The following RBM26 variants were observed in gnomAD, a reference collection of about 807,000 sequenced individuals.
The protein encoded by RBM26 is RNA binding motif protein 26.
Under a neutral mutation model 123.6 loss-of-function variants are expected in RBM26, and 30 were observed. That is an observed-to-expected ratio of 0.24 (90% CI 0.18 to 0.33). The LOEUF (loss-of-function observed/expected upper bound fraction) is 0.33, where lower values mean the gene tolerates loss of function less well. Ranked by LOEUF, RBM26 falls within the 10% of genes least tolerant of loss-of-function variation. The probability of loss-of-function intolerance (pLI) is 1.00; values close to 1 mark genes in which losing one functional copy is unlikely to be tolerated. For missense variants in RBM26, 947 were observed against 1,203.6 expected (o/e 0.79, Z 3.15); for synonymous variants, 400 against 404.4 (o/e 0.99, Z 0.13).
At chr13:79,325,088 C>T (rs887753707) in intron 20 of RBM26, among the ~76,000 whole-genome samples, 1 of 152,072 alleles carries the variant, frequency 6.6e-6, no homozygotes. Context: ...CATGGTGATA[C>T]TGGTGTAAAC....
At chr13:79,397,860 T>A (rs576711605) in intron 1 of RBM26, among the ~76,000 whole-genome samples, 1 of 152,084 alleles carries the variant, frequency 6.6e-6, no homozygotes, top group South Asian at 2.1e-4. Flanking sequence ...TTCTATATAC[T>A]AACAATAAAA....
At chr13:79,361,300 A>G (rs980189784) in intron 9 of RBM26, among the ~76,000 whole-genome samples, 4 of 151,998 alleles carry the variant, frequency 2.6e-5, no homozygotes, top group Admixed American at 6.6e-5. Flanking sequence ...TCCATTTTCA[A>G]CCTTTCCCAG....
intron 20 of RBM26, among the ~76,000 whole-genome samples, chr13:79,333,017 A>G (rs2069688550): frequency 1.3e-5 from 2 of 152,168 alleles, no homozygotes; most frequent in South Asian, 4.1e-4. Context: ...TTCCCTAGAA[A>G]ATACATAAAA....
At chr13:79,404,406 TTC>T (rs2079330246) in intron 1 of RBM26, among the ~76,000 whole-genome samples, 1 of 152,222 alleles carries the variant, frequency 6.6e-6, no homozygotes, top group Non-Finnish European at 1.5e-5. Context: ...CTGAATAATC[TTC>T]TTACTTCCAT....
intron 9 of RBM26, among the ~76,000 whole-genome samples, chr13:79,365,072 GTC>G (rs1163003236): frequency 6.6e-6 from 1 of 151,914 alleles, no homozygotes; most frequent in East Asian, 1.9e-4. Context: ...ATAATAAAGT[GTC>G]ACCTCTACCA....
intron 1 of RBM26, among the ~76,000 whole-genome samples, chr13:79,381,385 A>G (rs577061189): frequency 1.3e-5 from 2 of 152,094 alleles, no homozygotes; most frequent in South Asian, 4.1e-4. Flanking sequence ...CAACCAAACT[A>G]GACATCAAGC....
chr13:79,386,108 C>A (rs900780680), intron 1 of RBM26, among the ~76,000 whole-genome samples: 3 of 149,280 alleles, frequency 2.0e-5, no homozygotes, highest in South Asian at 2.1e-4. Flanking sequence ...AAAAAAAAAA[C>A]ACAAAAACTA....
intron 20 of RBM26, among the ~76,000 whole-genome samples, chr13:79,333,798 T>C (rs1388012085): frequency 6.6e-6 from 1 of 152,202 alleles, no homozygotes; most frequent in Non-Finnish European, 1.5e-5. Flanking sequence ...AAGGTAACTT[T>C]ACTAAGAGTA....
At chr13:79,351,505 A>G (rs1391026928) in intron 14 of RBM26, among the ~76,000 whole-genome samples, 3 of 149,518 alleles carry the variant, frequency 2.0e-5, no homozygotes, top group African/African-American at 7.3e-5. Flanking sequence ...CAGAAATTCC[A>G]AGGAGGAGGT....
At chr13:79,396,691 A>G (rs1247582521) in intron 1 of RBM26, among the ~76,000 whole-genome samples, 1 of 148,824 alleles carries the variant, frequency 6.7e-6, no homozygotes, top group Admixed American at 6.7e-5. Context: ...ATAGAACCCT[A>G]AATAAATTTT....
intron 20 of RBM26, among the ~76,000 whole-genome samples, chr13:79,333,649 CAG>C (rs934068049): frequency 1.3e-5 from 2 of 152,018 alleles, no homozygotes; most frequent in African/African-American, 2.4e-5. Context: ...AAAGAACACA[CAG>C]GGCAAAAAAG....
intron 9 of RBM26, among the ~76,000 whole-genome samples, chr13:79,360,665 AAT>A (rs2074571838): frequency 6.6e-6 from 1 of 151,866 alleles, no homozygotes; most frequent in Non-Finnish European, 1.5e-5. Context: ...TTAAATATGG[AAT>A]AGACTCATAA....
At chr13:79,374,871 T>C (rs975942822) in intron 3 of RBM26, among the ~76,000 whole-genome samples, 2 of 151,580 alleles carry the variant, frequency 1.3e-5, no homozygotes, top group African/African-American at 2.4e-5. Context: ...CCACAATTGG[T>C]TGAAAAAACA....
intron 14 of RBM26, among the ~76,000 whole-genome samples, chr13:79,349,036 G>T (rs904954649): frequency 2.0e-5 from 3 of 152,098 alleles, no homozygotes; most frequent in African/African-American, 7.2e-5. Context: ...TTTTCAACTT[G>T]TAAGTAATAA....
At position 79,337,205 on chromosome 13, in the gene RBM26, C is replaced by T. The variant is rs773395372; in HGVS notation, c.2630G>A (p.Gly877Glu). 4.3e-5 allele frequency: 69 copies of T among 1,614,002 alleles called. No homozygotes were observed. The highest frequency in any genetic ancestry group is 5.6e-5 in the Non-Finnish European group (66 of 1,180,024). Residue 877 changes from glycine (G) to glutamate (E), a missense_variant, in exon 19 of 22, where the codon GGG becomes GAG. Gly to Glu is a moderately conservative substitution (Grantham distance 98). This residue lies in a region of RBM26 where 164 missense variants were observed against 215.3 expected (regional missense o/e 0.76). Coordinates refer to ENST00000438737, the MANE Select transcript of RBM26 (RefSeq NM_001366735.2). ...CACAGCATGACCAGGCACACCTCGC[C>T]CTCGCCCTCGCCCCCTGCCTCGGCC... is the stretch of plus-strand genomic sequence containing the variant. ...VHGRGRGRGR[G>E]RGVPGHAVVD...
Position 79,368,943 on chromosome 13 carries a change from A to G in RBM26, c.682T>C (p.Leu228=). The change falls in exon 6 of 22, where the codon TTA becomes CTA. Residue 228 remains leucine, a synonymous_variant. Transcript: ENST00000438737. ...GAGACTGGAGTATAATTATTTTCTA[A>G]TGGATCTGTTCTATCCAGGTCATAT... The part of the protein sequence containing the change: ...PKYDLDRTDP[L]ENNYTPVSSV... 6.2e-7 allele frequency: 1 copy of G among 1,610,920 alleles called. No individual in the cohort carries two copies. Among genetic ancestry groups the G allele is most frequent in the Non-Finnish European group, 8.5e-7 (1 of 1,177,132 alleles).
chr13:79,392,512 G>T (rs2078181961), intron 1 of RBM26, among the ~76,000 whole-genome samples: 1 of 145,284 alleles, frequency 6.9e-6, no homozygotes. Context: ...TAATATATTA[G>T]TTATATAATT....
At chr13:79,405,361 GA>G (rs1351003767) in intron 1 of RBM26, among the ~76,000 whole-genome samples, 2 of 152,152 alleles carry the variant, frequency 1.3e-5, no homozygotes, top group Non-Finnish European at 2.9e-5. Flanking sequence ...ACTTCATTTA[GA>G]AAAACAAGGT....
intron 9 of RBM26, among the ~76,000 whole-genome samples, chr13:79,361,783 C>A (rs775325932): frequency 6.6e-6 from 1 of 152,102 alleles, no homozygotes; most frequent in South Asian, 2.1e-4. Context: ...TGACATTTGT[C>A]AAGTAGTTAT....
Sources: gnomAD v4.1 joint callset for allele counts (sites outside exome capture counted in the v4.1 genomes callset) on GRCh38, gnomAD v4.1.1 for gene constraint, gnomAD v4.1.1 regional missense constraint, MANE v1.5 for transcripts, NCBI Gene and HGNC (gene_info 2026-07-23, HGNC 2026-07-21) for gene names.